RFTN2: variants seen among roughly 807,000 people sequenced by gnomAD.
The protein encoded by RFTN2 is raftlin-2.
Under a neutral mutation model 52.7 loss-of-function variants are expected in RFTN2, and 34 were observed. The observed-to-expected ratio is 0.64, with a 90% CI of 0.49 to 0.86. The LOEUF (loss-of-function observed/expected upper bound fraction) is 0.86, where lower values mean the gene tolerates loss of function less well. Ranked by LOEUF, RFTN2 falls within the 40% of genes least tolerant of loss-of-function variation. The pLI is 0.00. For missense variants in RFTN2, 536 were observed against 600.1 expected (o/e 0.89, Z 1.12); for synonymous variants, 203 against 217.7 (o/e 0.93, Z 0.59).
At chr2:197,619,229 C>G (rs572096581) in intron 5 of RFTN2, among the ~76,000 whole-genome samples, 1 of 152,038 alleles carries the variant, frequency 6.6e-6, no homozygotes, top group African/African-American at 2.4e-5. Flanking sequence ...GCCACCACCC[C>G]GTCTGGGAGG....
intron 7 of RFTN2, among the ~76,000 whole-genome samples, chr2:197,614,772 G>A (rs1284194672): frequency 6.6e-6 from 1 of 152,118 alleles, no homozygotes; most frequent in Non-Finnish European, 1.5e-5. Flanking sequence ...GGGGTGTCAT[G>A]GAATTCTCCT....
chr2:197,605,235 T>C (rs1258037180), intron 7 of RFTN2, among the ~76,000 whole-genome samples: 1 of 152,072 alleles, frequency 6.6e-6, no homozygotes, highest in East Asian at 1.9e-4. Flanking sequence ...GTTTTTTTTT[T>C]TGAGACGGAG....
intron 3 of RFTN2, among the ~76,000 whole-genome samples, chr2:197,635,661 T>C (rs1275867981): frequency 3.3e-5 from 5 of 150,326 alleles, no homozygotes; most frequent in Non-Finnish European, 7.4e-5. Flanking sequence ...GAGTAGGTTG[T>C]GAAAATTTTC....
At chr2:197,662,064 A>C (rs2088984819) in intron 1 of RFTN2, among the ~76,000 whole-genome samples, 1 of 152,118 alleles carries the variant, frequency 6.6e-6, no homozygotes, top group South Asian at 2.1e-4. Flanking sequence ...ATAATTTGCA[A>C]ATATTTTCTC....
intron 1 of RFTN2, among the ~76,000 whole-genome samples, chr2:197,652,026 GGT>G (rs1238232737): frequency 1.3e-5 from 2 of 152,150 alleles, no homozygotes; most frequent in Non-Finnish European, 2.9e-5. Context: ...TTTTTGTGAA[GGT>G]GTGTCTTTAT....
intron 7 of RFTN2, among the ~76,000 whole-genome samples, chr2:197,597,204 C>T (rs2087805615): frequency 6.6e-6 from 1 of 152,172 alleles, no homozygotes; most frequent in Non-Finnish European, 1.5e-5. Flanking sequence ...TAACAGGAGA[C>T]TGCTTCTTTT....
chr2:197,630,985 TA>T, intron 5 of RFTN2, 25 bp downstream of exon 5: 1 of 1,453,170 alleles, frequency 6.9e-7, no homozygotes, highest in Non-Finnish European at 9.6e-7. Flanking sequence ...TCCTCAGATA[TA>T]AAATATCATT....
chr2:197,596,719 T>C (rs1183528611), intron 7 of RFTN2, among the ~76,000 whole-genome samples: 1 of 152,234 alleles, frequency 6.6e-6, no homozygotes, highest in Non-Finnish European at 1.5e-5. Context: ...CTTCTTGGTA[T>C]GCATTGTCAA....
chr2:197,652,766 G>A (rs1174111607), intron 1 of RFTN2, among the ~76,000 whole-genome samples: 3 of 152,168 alleles, frequency 2.0e-5, no homozygotes, highest in Non-Finnish European at 2.9e-5. Flanking sequence ...AGAGCTCTTT[G>A]TTTGGTGGTA....
chr2:197,634,103 G>C (rs1461759177), intron 3 of RFTN2, 106 bp from the exon 4 acceptor site: 1 of 940,108 alleles, frequency 1.1e-6, no homozygotes, highest in African/African-American at 1.7e-5. Context: ...AGAAGATGGA[G>C]TAACTTGACC....
rs2087281494 is a variant in RFTN2, at chr2:197,569,415, T to G, written c.*2593A>C. 6.6e-6 allele frequency: 1 copy of G among 152,196 alleles called. No homozygotes were observed. Among genetic ancestry groups the G allele is most frequent in the African/African-American group, 2.4e-5 (1 of 41,446 alleles). 9.4% of individuals were successfully genotyped at this position (152,196 alleles called of 1,614,324 possible). ...TAGGCTCATAGCTATTTACACACAT[T>G]TAAAATACTCTAGAACCACTTGATC... On this transcript the variant is annotated 3_prime_UTR_variant, in exon 9 of 9. Coordinates refer to ENST00000295049, the MANE Select transcript of RFTN2 (RefSeq NM_144629.3).
chr2:197,608,157 C>T (rs928200681), intron 7 of RFTN2, among the ~76,000 whole-genome samples: 1 of 152,152 alleles, frequency 6.6e-6, no homozygotes, highest in Non-Finnish European at 1.5e-5. Flanking sequence ...ATTGGGACTC[C>T]ACAGACTTCC....
At chr2:197,634,024 C>T in intron 3 of RFTN2, 27 bp from the exon 4 acceptor site, 6 of 1,574,524 alleles carry the variant, frequency 3.8e-6, no homozygotes, top group Non-Finnish European at 3.5e-6. Flanking sequence ...GATGGCAGAA[C>T]AAAATGTAAA....
At chr2:197,655,908 T>G (rs932843007) in intron 1 of RFTN2, among the ~76,000 whole-genome samples, 1 of 152,214 alleles carries the variant, frequency 6.6e-6, no homozygotes, top group Non-Finnish European at 1.5e-5. Flanking sequence ...TGTTCTCCTA[T>G]CTGGAGGTCA....
In RFTN2 at chr2:197,571,670, A is replaced by T. The variant is rs1323121997; in HGVS notation, c.*338T>A. On this transcript the variant is annotated 3_prime_UTR_variant, in exon 9 of 9. Transcript: ENST00000295049. ...CTCTCTCTAATTGGGTAAAATACTG[A>T]TTGAGATATTCAGTCTCCTTACCAG... The T allele has an allele frequency of 3.9e-6, 1 of 257,418 alleles. No homozygotes were observed. Among genetic ancestry groups the T allele is most frequent in the African/African-American group, 2.2e-5 (1 of 44,594 alleles). 15.9% of individuals were successfully genotyped at this position (257,418 alleles called of 1,614,324 possible). A position where few individuals can be genotyped will look rare whatever the true frequency, so the allele number is the denominator to read the frequency against.
At chr2:197,610,792 T>C (rs1285199284) in intron 7 of RFTN2, among the ~76,000 whole-genome samples, 1 of 152,242 alleles carries the variant, frequency 6.6e-6, no homozygotes, top group Admixed American at 6.5e-5. Flanking sequence ...GTTCTATCAA[T>C]ACCTAGTTTA....
At chr2:197,609,599 G>C (rs1182937953) in intron 7 of RFTN2, among the ~76,000 whole-genome samples, 2 of 152,208 alleles carry the variant, frequency 1.3e-5, no homozygotes, top group Non-Finnish European at 2.9e-5. Context: ...TCACTCTGCT[G>C]ATAGTTTCTT....
intron 8 of RFTN2, 96 bp from the exon 9 acceptor site, chr2:197,572,376 G>GC: frequency 8.2e-7 from 1 of 1,222,184 alleles, no homozygotes; most frequent in East Asian, 2.3e-5. Flanking sequence ...CTCCAGGAAT[G>GC]TCCTTTTCCC....
Position 197,610,788 on chromosome 2 carries a change from T to C in RFTN2, c.1154+5088A>G, listed in dbSNP as rs138493801. ...TCTTATTATTTTGAGATATGTTCTA[T>C]CAATACCTAGTTTATTGAGAGTTTT... On this transcript the variant is annotated intron_variant, in intron 7 of 8. Coordinates refer to ENST00000295049, the MANE Select transcript of RFTN2 (RefSeq NM_144629.3). Among the ~76,000 whole-genome samples, 1,089 of 152,372 alleles carry C rather than the reference T, an allele frequency of 7.1e-3. 13 individuals are homozygous for C. Among genetic ancestry groups the C allele is most frequent in the African/African-American group, 0.025 (1,040 of 41,592 alleles).
Sources: allele counts gnomAD v4.1 joint callset (sites outside exome capture counted in the v4.1 genomes callset), GRCh38; gene constraint gnomAD v4.1.1; transcripts MANE v1.5; gene names NCBI Gene and HGNC (gene_info 2026-07-23, HGNC 2026-07-21).